Variants in RANBP2 observed in about 807,000 individuals in gnomAD.
RANBP2 encodes the protein RAN binding protein 2.
A neutral mutation model predicts 303.6 loss-of-function variants in RANBP2; 57 were observed. The observed-to-expected ratio is 0.19, with a 90% CI of 0.15 to 0.23. The LOEUF (loss-of-function observed/expected upper bound fraction) is 0.23. RANBP2 is among the 10% of genes least tolerant of loss of function. The pLI is 1.00. For synonymous variants in RANBP2, 1,167 were observed against 1,301.5 expected, an observed-to-expected ratio of 0.90 and a Z score of 2.23; for missense variants, 3,138 against 3,780.8, an observed-to-expected ratio of 0.83 and a Z score of 4.46.
At chr2:108,908,987 G>A in the RANBP2 span, among the ~76,000 whole-genome samples, 7 of 152,260 alleles carry the variant, frequency 4.6e-5, no homozygotes, top group Non-Finnish European at 8.8e-5. Context: ...GAGAGAAGGT[G>A]AGGTGGAGCA....
the RANBP2 span, among the ~76,000 whole-genome samples, chr2:109,368,201 C>G: frequency 6.6e-6 from 1 of 152,078 alleles, no homozygotes; most frequent in Non-Finnish European, 1.5e-5. Flanking sequence ...AGACATTAAG[C>G]CTTTGTCTCT....
At chr2:109,441,828 G>GA in the RANBP2 span, among the ~76,000 whole-genome samples, 5 of 151,794 alleles carry the variant, frequency 3.3e-5, no homozygotes, top group African/African-American at 1.2e-4. Context: ...ACATGAAATA[G>GA]AAAAAAAGAT....
chr2:109,164,806 A>G, the RANBP2 span, among the ~76,000 whole-genome samples: 63 of 152,232 alleles, frequency 4.1e-4, 2 homozygotes, highest in African/African-American at 1.3e-3. Context: ...CTGGCACCCT[A>G]TTGAGCCAGG....
chr2:109,371,537 T>TTG, the RANBP2 span: 10 of 1,517,872 alleles, frequency 6.6e-6, no homozygotes, highest in African/African-American at 8.2e-5. Flanking sequence ...TCCTTTTTCA[T>TTG]TGTGTGTGTG....
At chr2:109,533,597 T>C in the RANBP2 span, among the ~76,000 whole-genome samples, 4,700 of 152,212 alleles carry the variant, frequency 0.031, 257 homozygotes, top group African/African-American at 0.11. Context: ...ATCCACTCAA[T>C]GTCATGTCAA....
chr2:109,615,590 T>C, the RANBP2 span: 4 of 1,613,654 alleles, frequency 2.5e-6, no homozygotes, highest in East Asian at 2.2e-5. Flanking sequence ...ACGACGCCGA[T>C]GTGGACATCA....
the RANBP2 span, among the ~76,000 whole-genome samples, chr2:109,100,713 C>A: frequency 6.6e-6 from 1 of 151,780 alleles, no homozygotes; most frequent in Non-Finnish European, 1.5e-5. Context: ...TGATATAGTG[C>A]TTGAAAAAGA....
the RANBP2 span, among the ~76,000 whole-genome samples, chr2:109,132,538 G>C: frequency 1.3e-5 from 2 of 152,128 alleles, no homozygotes; most frequent in Non-Finnish European, 2.9e-5. Flanking sequence ...GTCAGTTAAC[G>C]ATGCTGCCCC....
the RANBP2 span, among the ~76,000 whole-genome samples, chr2:109,131,996 A>G: frequency 1.3e-5 from 2 of 152,236 alleles, no homozygotes; most frequent in African/African-American, 4.8e-5. Flanking sequence ...TTGTAATAGC[A>G]TATCAGGCAT....
the RANBP2 span, among the ~76,000 whole-genome samples, chr2:109,247,447 C>A: frequency 5.3e-5 from 8 of 152,210 alleles, no homozygotes; most frequent in Admixed American, 4.6e-4. Flanking sequence ...GGCTCCTGAC[C>A]GTTCCTCTGA....
At chr2:109,427,784 C>A in the RANBP2 span, among the ~76,000 whole-genome samples, 57 of 152,340 alleles carry the variant, frequency 3.7e-4, no homozygotes, top group South Asian at 1.2e-3. Flanking sequence ...ATCAGAAGGC[C>A]CCAGGGAGAA....
chr2:109,658,710 G>A, the RANBP2 span, among the ~76,000 whole-genome samples: 9 of 151,354 alleles, frequency 5.9e-5, no homozygotes, highest in African/African-American at 1.9e-4. Flanking sequence ...GCCAGATCAC[G>A]AGGTCAGGAG....
chr2:109,336,808 AT>A, the RANBP2 span, among the ~76,000 whole-genome samples: 2 of 152,202 alleles, frequency 1.3e-5, no homozygotes, highest in Admixed American at 1.3e-4. Context: ...ATAAATCAAC[AT>A]GGAAATGGGG....
In RANBP2 at chr2:108,765,850, C is replaced by G. The variant is rs371560504; in HGVS notation, c.5311C>G (p.Pro1771Ala). ...TPASSEISKAPKSGFEGMFIR... is the reference protein window; with the variant it reads ...TPASSEISKAAKSGFEGMFIR... Reference sequence around the variant, plus strand: ...TGCCTCTTCGGAGATAAGCAAGGCTCCAAAGAGTGGATTTGAAGGAATGTT... The same window carrying G: ...TGCCTCTTCGGAGATAAGCAAGGCTGCAAAGAGTGGATTTGAAGGAATGTT... Residue 1771 changes from proline (P) to alanine (A), a missense_variant, in exon 20 of 29, where the codon CCA becomes GCA. Pro to Ala is a conservative substitution (Grantham distance 27). Coordinates refer to ENST00000283195, the MANE Select transcript of RANBP2 (RefSeq NM_006267.5). The G allele has an allele frequency of 6.8e-6, 11 of 1,613,928 alleles. No individual in the cohort carries two copies. In the Admixed American group the frequency reaches 1.5e-4, roughly 22 times the overall value.
At chr2:109,447,574 C>G in the RANBP2 span, among the ~76,000 whole-genome samples, 2 of 152,104 alleles carry the variant, frequency 1.3e-5, no homozygotes, top group South Asian at 2.1e-4. Context: ...GTGGTGCTGC[C>G]CGGGCCACTT....
At chr2:109,538,923 A>C in the RANBP2 span, among the ~76,000 whole-genome samples, 1 of 152,254 alleles carries the variant, frequency 6.6e-6, no homozygotes, top group Admixed American at 6.5e-5. Flanking sequence ...ACAAGGTTTT[A>C]ATGTCTACCA....
At chr2:109,649,311 C>A in the RANBP2 span, among the ~76,000 whole-genome samples, 1 of 152,140 alleles carries the variant, frequency 6.6e-6, no homozygotes, top group Non-Finnish European at 1.5e-5. Context: ...TAAGTTGAAG[C>A]TTTCTAATAT....
the RANBP2 span, among the ~76,000 whole-genome samples, chr2:109,682,593 A>G: frequency 6.6e-6 from 1 of 152,156 alleles, no homozygotes. Flanking sequence ...CAGACCTGCC[A>G]AGGAGAAAAA....
At chr2:109,274,540 C>T in the RANBP2 span, among the ~76,000 whole-genome samples, 1 of 152,196 alleles carries the variant, frequency 6.6e-6, no homozygotes, top group Non-Finnish European at 1.5e-5. Flanking sequence ...CAAAAGGTCA[C>T]ATATTGTATG....
Sources: gnomAD v4.1 joint callset for allele counts (sites outside exome capture counted in the v4.1 genomes callset) on GRCh38, gnomAD v4.1.1 for gene constraint, MANE v1.5 for transcripts, NCBI Gene and HGNC (gene_info 2026-07-23, HGNC 2026-07-21) for gene names.